The following ZNF516 variants were observed in gnomAD, a reference collection of about 807,000 sequenced individuals.
ZNF516 encodes the protein zinc finger protein 516.
In ZNF516, 19 loss-of-function variants were observed where a neutral mutation model predicts 79.7. The observed-to-expected ratio is 0.24, with a 90% CI of 0.17 to 0.35. The LOEUF is 0.35. Among genes scored for constraint, ZNF516 ranks in the 10% least tolerant of loss-of-function variants. ZNF516 has a pLI of 1.00. For synonymous variants in ZNF516, 877 were observed against 739.5 expected (o/e 1.19, Z -3.02); for missense variants, 1,678 against 1,679.5 (o/e 1.00, Z 0.02).
chr18:76,455,960 G>A (rs570024161), intron 2 of ZNF516, among the ~76,000 whole-genome samples: 11 of 152,294 alleles, frequency 7.2e-5, no homozygotes, highest in Non-Finnish European at 1.3e-4. Flanking sequence ...CAGCCAGAGA[G>A]ACCATTGTTA....
At chr18:76,417,263 G>A (rs183568603) in intron 3 of ZNF516, among the ~76,000 whole-genome samples, 2 of 152,236 alleles carry the variant, frequency 1.3e-5, no homozygotes, top group African/African-American at 2.4e-5. Flanking sequence ...CTGGGTGCAC[G>A]ATTTTAGCTT....
intron 1 of ZNF516, chr18:76,492,830 GGGGC>G: frequency 1.0e-6 from 1 of 985,984 alleles, no homozygotes; most frequent in Non-Finnish European, 1.2e-6. Flanking sequence ...GCGCTCCGTG[GGGGC>G]TGCTGCGTGC....
At chr18:76,391,973 G>A (rs761330912) in intron 3 of ZNF516, among the ~76,000 whole-genome samples, 19 of 152,228 alleles carry the variant, frequency 1.2e-4, no homozygotes, top group African/African-American at 2.4e-4. Context: ...GGAGAGGGAC[G>A]GCGAGGCAAA....
intron 4 of ZNF516, among the ~76,000 whole-genome samples, chr18:76,371,999 C>T (rs1352153213): frequency 1.3e-5 from 2 of 152,218 alleles, no homozygotes; most frequent in African/African-American, 2.4e-5. Flanking sequence ...GTGACCCGGC[C>T]GCGATCCTGG....
At chr18:76,458,818 C>A (rs117195651) in intron 2 of ZNF516, among the ~76,000 whole-genome samples, 1 of 139,414 alleles carries the variant, frequency 7.2e-6, no homozygotes, top group Non-Finnish European at 1.5e-5. Flanking sequence ...CACCGTCGTG[C>A]GTGTGCGTGC....
At position 76,371,527 on chromosome 18, in the gene ZNF516, C is replaced by T. The variant is rs1229041743; in HGVS notation, c.3304G>A (p.Glu1102Lys). 6 of 1,610,852 alleles carry T rather than the reference C, an allele frequency of 3.7e-6. No individual in the cohort carries two copies. The highest frequency in any genetic ancestry group is 2.2e-5 in the South Asian group (2 of 91,044). The change falls in exon 5 of 7, where the codon GAG becomes AAG. Residue 1102 changes from glutamate to lysine, a missense_variant. Physicochemically the swap from Glu to Lys is moderately conservative, Grantham distance 56. Transcript: ENST00000443185. ...GGCTGGTGGAAGCTCTTTCCGCACT[C>T]GATGCAGACGAACTCTCCTGGCCGG... Reference protein sequence around the residue: ...QARPGEFVCIECGKSFHQPGH... With the variant: ...QARPGEFVCIKCGKSFHQPGH...
At chr18:76,494,338 C>T (rs983812381) in intron 1 of ZNF516, among the ~76,000 whole-genome samples, 4 of 141,492 alleles carry the variant, frequency 2.8e-5, no homozygotes, top group African/African-American at 1.0e-4. Context: ...CCGCATTCTT[C>T]CTTCATACAC....
At chr18:76,418,442 CACATGCTGTA>C (rs780967338) in intron 3 of ZNF516, among the ~76,000 whole-genome samples, 21 of 151,960 alleles carry the variant, frequency 1.4e-4, no homozygotes, top group African/African-American at 4.1e-4. Context: ...CTAACACTAA[CACATGCTGTA>C]ACATGCTGTA....
chr18:76,462,272 A>G (rs752616918), intron 2 of ZNF516, among the ~76,000 whole-genome samples: 5 of 152,142 alleles, frequency 3.3e-5, no homozygotes, highest in Non-Finnish European at 7.3e-5. Flanking sequence ...TAGGAATCCC[A>G]AGAAAACCAC....
At chr18:76,421,130 T>C (rs1568276832) in intron 3 of ZNF516, among the ~76,000 whole-genome samples, 3 of 152,212 alleles carry the variant, frequency 2.0e-5, no homozygotes, top group Admixed American at 6.5e-5. Flanking sequence ...ACCACTCTTA[T>C]GCACAATATG....
intron 2 of ZNF516, among the ~76,000 whole-genome samples, chr18:76,456,672 C>A (rs1247498154): frequency 7.6e-6 from 1 of 131,014 alleles, no homozygotes; most frequent in East Asian, 2.5e-4. Flanking sequence ...AGGCGCAGGT[C>A]GAGACTCTGC....
chr18:76,367,468 G>A (rs893161494), intron 6 of ZNF516, among the ~76,000 whole-genome samples: 12 of 152,176 alleles, frequency 7.9e-5, no homozygotes, highest in Non-Finnish European at 2.9e-5. Flanking sequence ...TCAACAAGGA[G>A]ACCTGGTGCT....
chr18:76,453,380 C>T (rs1328833750), intron 2 of ZNF516, among the ~76,000 whole-genome samples: 9 of 152,184 alleles, frequency 5.9e-5, no homozygotes, highest in Admixed American at 5.2e-4. Context: ...TGAGGGGCCG[C>T]TCTCCTTCCC....
chr18:76,429,349 A>G (rs190411186), intron 3 of ZNF516, among the ~76,000 whole-genome samples: 83 of 152,336 alleles, frequency 5.4e-4, no homozygotes, highest in Non-Finnish European at 9.0e-4. Context: ...AAAGACAACA[A>G]GCTCAGGCAT....
chr18:76,487,689 G>T (rs867217402), intron 1 of ZNF516, among the ~76,000 whole-genome samples: 52 of 152,230 alleles, frequency 3.4e-4, no homozygotes, highest in African/African-American at 1.2e-3. Context: ...TCATCCAATG[G>T]TGGGTGGGAG....
intron 3 of ZNF516, among the ~76,000 whole-genome samples, chr18:76,412,332 C>T (rs1269819267): frequency 1.3e-5 from 2 of 152,130 alleles, no homozygotes; most frequent in Admixed American, 1.3e-4. Flanking sequence ...AAAGGGACGG[C>T]CTGAAACAGG....
intron 3 of ZNF516, among the ~76,000 whole-genome samples, chr18:76,400,781 C>T (rs1405833114): frequency 6.6e-6 from 1 of 152,160 alleles, no homozygotes; most frequent in African/African-American, 2.4e-5. Context: ...AATATTGAGT[C>T]TCAGAAGTTC....
Position 76,441,741 on chromosome 18 carries a change from G to A in ZNF516, c.1314C>T (p.Ala438=), listed in dbSNP as rs2075826618. 5 of 1,572,800 alleles carry A rather than the reference G, an allele frequency of 3.2e-6. No individual in the cohort carries two copies. The highest frequency in any genetic ancestry group is 2.6e-6 in the Non-Finnish European group (3 of 1,164,772). ...AEPAEYLKYG[A]WDEALAGDVA... is the part of the protein sequence containing the mutation. ...CGTCCCCGGCCAGCGCCTCGTCCCA[G>A]GCCCCGTACTTGAGGTACTCGGCCG... Residue 438 remains alanine (A), a synonymous_variant, in exon 3 of 7, where the codon GCC becomes GCT. Transcript: ENST00000443185.
Position 76,442,064 on chromosome 18 carries a change from G to A in ZNF516, c.991C>T (p.Leu331=), listed in dbSNP as rs1599097918. 1 of 1,614,026 alleles carries A rather than the reference G, an allele frequency of 6.2e-7. No homozygotes were observed. Among genetic ancestry groups the A allele is most frequent in the African/African-American group, 1.3e-5 (1 of 75,076 alleles). Residue 331 remains leucine (L), a synonymous_variant, in exon 3 of 7, where the codon CTG becomes TTG. Transcript: ENST00000443185. The stretch of plus-strand genomic sequence containing the variant: ...TTGGCGCAGACCTCGTAGAGGCTCA[G>A]GCCGGCGACGATCACCTCCTCCTGG... ...VVQEEVIVAG[L]SLYEVCAKCG... is the part of the protein sequence containing the mutation.
Sources: allele counts gnomAD v4.1 joint callset (sites outside exome capture counted in the v4.1 genomes callset), GRCh38; gene constraint gnomAD v4.1.1; transcripts MANE v1.5; gene names NCBI Gene and HGNC (gene_info 2026-07-23, HGNC 2026-07-21).